UBE2E3: variants seen among roughly 807,000 people sequenced by gnomAD.
UBE2E3 encodes ubiquitin conjugating enzyme E2 E3, also known as ubiquitin-conjugating enzyme E2 E3.
Under a neutral mutation model 23.6 loss-of-function variants are expected in UBE2E3, and 5 were observed. That is an observed-to-expected ratio of 0.21 (90% CI 0.11 to 0.44). The LOEUF is 0.44. Among genes scored for constraint, UBE2E3 ranks in the 20% least tolerant of loss-of-function variants. The pLI is 0.99. For missense variants in UBE2E3, 81 were observed against 249.8 expected, an observed-to-expected ratio of 0.32 and a Z score of 4.55; for synonymous variants, 78 against 87.5, an observed-to-expected ratio of 0.89 and a Z score of 0.60.
At chr2:181,010,070 C>T (rs567154408) in intron 3 of UBE2E3, among the ~76,000 whole-genome samples, 17 of 152,020 alleles carry the variant, frequency 1.1e-4, no homozygotes, top group African/African-American at 4.1e-4. Flanking sequence ...CAGTTTTTAC[C>T]CATTCTTGAT....
chr2:181,056,247 T>C (rs907640516), intron 3 of UBE2E3, among the ~76,000 whole-genome samples: 15 of 151,838 alleles, frequency 9.9e-5, no homozygotes, highest in African/African-American at 3.6e-4. Context: ...GTAATACTTC[T>C]GTACATACGT....
In UBE2E3 at chr2:180,980,879, C is replaced by G. The variant is rs1037111120; in HGVS notation, c.-120C>G. ...TTTTTCCCTCCCCCCCCTTCCCCCC[C>G]CCACAGCTGCCTCCATTTCCTTAAG... is the stretch of plus-strand genomic sequence containing the variant. On this transcript the variant is annotated 5_prime_UTR_variant, in exon 1 of 6. Coordinates refer to ENST00000410062, the MANE Select transcript of UBE2E3 (RefSeq NM_006357.4). This position sits in a 1 kb window ranked among gnomAD's most constrained non-coding sequence, Gnocchi z 5.5. 3.3e-5 allele frequency: 5 copies of G among 149,932 alleles called. No homozygotes were observed. The highest frequency in any genetic ancestry group is 6.6e-5 in the Admixed American group (1 of 15,044). 9.3% of individuals were successfully genotyped at this position (149,932 alleles called of 1,614,324 possible).
At chr2:181,062,710 T>A in intron 5 of UBE2E3, 81 bp from the exon 6 acceptor site, 1 of 708,242 alleles carries the variant, frequency 1.4e-6, no homozygotes, top group Non-Finnish European at 2.2e-6. Context: ...AAAATAAGCA[T>A]TTCATTTTAA....
chr2:180,981,950 G>A (rs1431942293), intron 1 of UBE2E3, 68 bp from the exon 2 acceptor site: 2 of 1,206,116 alleles, frequency 1.7e-6, no homozygotes, highest in African/African-American at 1.5e-5. Flanking sequence ...ATGACTAGAA[G>A]AAAATGCTGT....
chr2:181,049,412 T>A lies in UBE2E3; in HGVS notation c.246-8281T>A, dbSNP rs192702208. Among the ~76,000 whole-genome samples, 20 of 152,222 alleles carry A rather than the reference T, an allele frequency of 1.3e-4. 1 individual carries two copies. Among genetic ancestry groups the A allele is most frequent in the Admixed American group, 1.3e-3 (20 of 15,264 alleles). On this transcript the variant is annotated intron_variant, in intron 3 of 5. Transcript: ENST00000410062. ...TGGATGTGTGTTTGTGTGTGTTTTT[T>A]AAATTATTTCACCTTGTGTATGGTT...
At chr2:181,018,859 A>T (rs1165798636) in intron 3 of UBE2E3, among the ~76,000 whole-genome samples, 2 of 152,234 alleles carry the variant, frequency 1.3e-5, no homozygotes, top group East Asian at 3.9e-4. Flanking sequence ...CTCATAAACA[A>T]TTACCTGAGT....
intron 3 of UBE2E3, among the ~76,000 whole-genome samples, chr2:180,993,168 G>A (rs1459609878): frequency 2.6e-5 from 4 of 152,156 alleles, no homozygotes; most frequent in African/African-American, 9.7e-5. Flanking sequence ...GGATGTGCCC[G>A]TCGGTAGGTG....
In UBE2E3 at chr2:181,010,435, G is replaced by A. The variant is rs545167160; in HGVS notation, c.245+26342G>A. ...AGTCGCGCTCTTATTGCAGCTGGCA[G>A]CATGTCAGTCTTATAATCTGAAGAG... is the stretch of plus-strand genomic sequence containing the variant. On this transcript the variant is annotated intron_variant, in intron 3 of 5. Coordinates refer to ENST00000410062, the MANE Select transcript of UBE2E3 (RefSeq NM_006357.4). Among the ~76,000 whole-genome samples, 155 of 152,198 alleles carry A rather than the reference G, an allele frequency of 1.0e-3. 1 individual carries two copies. Among genetic ancestry groups the A allele is most frequent in the Non-Finnish European group, 1.1e-3 (73 of 68,004 alleles).
chr2:180,990,582 A>T (rs1472437139), intron 3 of UBE2E3, among the ~76,000 whole-genome samples: 2 of 152,218 alleles, frequency 1.3e-5, no homozygotes, highest in African/African-American at 4.8e-5. Context: ...AACCACAGGA[A>T]TGACTACCTT....
chr2:181,041,067 A>G (rs1686478735), intron 3 of UBE2E3, among the ~76,000 whole-genome samples: 1 of 151,860 alleles, frequency 6.6e-6, no homozygotes, highest in African/African-American at 2.4e-5. Flanking sequence ...GGCCAGCATG[A>G]TGAAACCCAG....
In UBE2E3 at chr2:181,058,893, C is replaced by T. The variant is rs560066327; in HGVS notation, c.378+1068C>T. Among the ~76,000 whole-genome samples the T allele has an allele frequency of 9.9e-5, 15 of 151,750 alleles. No homozygotes were observed. The East Asian group carries it at 1.4e-3, about 14-fold the overall frequency. On this transcript the variant is annotated intron_variant, in intron 4 of 5. Transcript: ENST00000410062. ...GCTGTTAGTGTTTAAAGTGCTTTAC[C>T]GTGTGGTCCCATCAGCATGTAAGAT...
At chr2:181,014,134 A>G (rs1323648643) in intron 3 of UBE2E3, among the ~76,000 whole-genome samples, 1 of 152,196 alleles carries the variant, frequency 6.6e-6, no homozygotes, top group Non-Finnish European at 1.5e-5. Flanking sequence ...TGACGTAAGT[A>G]TTAAATGCAG....
chr2:180,992,924 C>G (rs1341931298), intron 3 of UBE2E3, among the ~76,000 whole-genome samples: 5 of 152,132 alleles, frequency 3.3e-5, no homozygotes, highest in African/African-American at 1.2e-4. Context: ...AGTGGCTGCT[C>G]CACTTTACAA....
chr2:181,032,448 T>C (rs1686113192), intron 3 of UBE2E3, among the ~76,000 whole-genome samples: 1 of 152,188 alleles, frequency 6.6e-6, no homozygotes. Context: ...TTAACGAACC[T>C]CTGTAGTAGA....
At chr2:181,019,631 A>T (rs1685609716) in intron 3 of UBE2E3, among the ~76,000 whole-genome samples, 1 of 152,164 alleles carries the variant, frequency 6.6e-6, no homozygotes, top group Admixed American at 6.5e-5. Flanking sequence ...TGATTTTTTT[A>T]AAAAGTCTAC....
At chr2:181,004,406 G>A (rs1351136095) in intron 3 of UBE2E3, among the ~76,000 whole-genome samples, 1 of 152,162 alleles carries the variant, frequency 6.6e-6, no homozygotes. Context: ...AGGCTGAGGA[G>A]GGCAGATCAC....
chr2:181,051,541 C>T (rs1249616828), intron 3 of UBE2E3, among the ~76,000 whole-genome samples: 2 of 151,726 alleles, frequency 1.3e-5, no homozygotes, highest in East Asian at 1.9e-4. Context: ...TTTAAGGGCT[C>T]CTCTTTCTAA....
chr2:181,009,513 A>G (rs959490736), intron 3 of UBE2E3, among the ~76,000 whole-genome samples: 7 of 151,508 alleles, frequency 4.6e-5, no homozygotes, highest in East Asian at 1.9e-4. Flanking sequence ...TGGAAAATAT[A>G]TATTTATACT....
chr2:181,061,513 ACTT>A (rs1687150147), intron 5 of UBE2E3, among the ~76,000 whole-genome samples: 3 of 151,706 alleles, frequency 2.0e-5, no homozygotes, highest in African/African-American at 7.2e-5. Context: ...TTAGGCAACT[ACTT>A]TAATAATAGA....
Sources: allele counts gnomAD v4.1 joint callset (sites outside exome capture counted in the v4.1 genomes callset), GRCh38; gene constraint gnomAD v4.1.1; non-coding constraint Gnocchi (gnomAD v3.1); transcripts MANE v1.5; gene names NCBI Gene and HGNC (gene_info 2026-07-23, HGNC 2026-07-21).